WIPF3: variants seen among roughly 807,000 people sequenced by gnomAD.
The protein encoded by WIPF3 is WAS/WASL-interacting protein family member 3.
A neutral mutation model predicts 38.9 loss-of-function variants in WIPF3; 33 were observed. The ratio of observed to expected loss-of-function variants is 0.85; its 90% CI spans 0.64 to 1.14. WIPF3 has a LOEUF of 1.14. WIPF3 is among the 50% of genes most tolerant of loss of function. The pLI, the probability that WIPF3 is intolerant of heterozygous loss-of-function variation, is 0.00. For synonymous variants in WIPF3, 324 were observed against 269.3 expected, an observed-to-expected ratio of 1.20 and a Z score of -1.99; for missense variants, 711 against 652.5, an observed-to-expected ratio of 1.09 and a Z score of -0.98.
intron 2 of WIPF3, among the ~76,000 whole-genome samples, chr7:29,868,853 A>G (rs1353343534): frequency 6.6e-6 from 1 of 152,172 alleles, no homozygotes; most frequent in Non-Finnish European, 1.5e-5. Context: ...ATCTAAACAT[A>G]GGAAAGGTAC....
In WIPF3 at chr7:29,875,053, C is replaced by T. The variant is rs60920212; in HGVS notation, c.91-777C>T. 9.7e-3 allele frequency among the ~76,000 whole-genome samples: 1,477 copies of T among 152,252 alleles called. 21 individuals carry two copies. The highest frequency in any genetic ancestry group is 0.034 in the African/African-American group (1,396 of 41,528). Reference sequence around the variant, plus strand: ...AAGATGAGGGCAAACTCACTTTAAACGCACAAGGTCTTGTGAGGACTAATG... The same window carrying T: ...AAGATGAGGGCAAACTCACTTTAAATGCACAAGGTCTTGTGAGGACTAATG... On this transcript the variant is annotated intron_variant, in intron 2 of 8. Transcript: ENST00000242140.
intron 2 of WIPF3, among the ~76,000 whole-genome samples, chr7:29,866,595 A>C (rs1038085870): frequency 1.3e-5 from 2 of 152,248 alleles, no homozygotes; most frequent in African/African-American, 4.8e-5. Flanking sequence ...GCTGGCATTT[A>C]ATGCACTCAT....
chr7:29,915,073 G>A lies in WIPF3; in HGVS notation c.*557G>A, dbSNP rs1212529748. 7.3e-6 allele frequency: 1 copy of A among 136,596 alleles called. No homozygotes were observed. Among genetic ancestry groups the A allele is most frequent in the African/African-American group, 2.7e-5 (1 of 36,726 alleles). The allele number at this position is 136,596 out of a possible 1,614,324, so 8.5% of individuals were successfully genotyped here. ...TGTCTCGCTTCCATTTTGCAGTACAGGGAATTTTTTTTTTTTTTTTTTTTT... is the reference window on the plus strand; with the variant it reads ...TGTCTCGCTTCCATTTTGCAGTACAAGGAATTTTTTTTTTTTTTTTTTTTT... On this transcript the variant is annotated 3_prime_UTR_variant, in exon 9 of 9. Transcript: ENST00000242140.
rs545606990 is a variant in WIPF3 at position 29,879,036 on chromosome 7, G to A, written c.251G>A (p.Gly84Glu). 5 of 1,602,626 alleles carry A rather than the reference G, an allele frequency of 3.1e-6. No individual in the cohort carries two copies. In the South Asian group the frequency reaches 3.4e-5, roughly 11 times the overall value. The change falls in exon 4 of 9, where the codon GGA becomes GAA. Residue 84 changes from glycine to glutamate, a missense_variant. Gly to Glu is a moderately conservative substitution (Grantham distance 98, BLOSUM62 -2). Transcript: ENST00000242140. ...ESSKGTNKEG[G>E]GSANTRGAST... Reference sequence around the variant, plus strand: ...TCTAAAGGAACCAACAAAGAAGGAGGAGGTTCTGCAAACACACGAGGCGCG... The same window carrying A: ...TCTAAAGGAACCAACAAAGAAGGAGAAGGTTCTGCAAACACACGAGGCGCG...
Position 29,878,214 on chromosome 7 carries a change from A to G in WIPF3, c.224-795A>G, listed in dbSNP as rs1785643645. ...CACTTCCTAATCATTCTCATGAGTA[A>G]GTAATGTACAATATTAATACTCAGA... On this transcript the variant is annotated intron_variant, in intron 3 of 8. Coordinates refer to ENST00000242140, the MANE Select transcript of WIPF3 (RefSeq NM_001080529.3). This position sits in a 1 kb window ranked among gnomAD's most constrained non-coding sequence, Gnocchi z 4.0. 6.6e-6 allele frequency among the ~76,000 whole-genome samples: 1 copy of G among 152,232 alleles called. No individual in the cohort carries two copies. Among genetic ancestry groups the G allele is most frequent in the African/African-American group, 2.4e-5 (1 of 41,466 alleles).
chr7:29,878,831 G>T lies in WIPF3; in HGVS notation c.224-178G>T, dbSNP rs1395886336. Among the ~76,000 whole-genome samples, 1 of 152,256 alleles carries T rather than the reference G, an allele frequency of 6.6e-6. No homozygotes were observed. Among genetic ancestry groups the T allele is most frequent in the East Asian group, 1.9e-4 (1 of 5,176 alleles). Reference sequence around the variant, plus strand: ...GAGGGCAGGGCATGTGAGTCTACAGGGTATCAAGGCAGAGGGTGCTTGGGG... The same window carrying T: ...GAGGGCAGGGCATGTGAGTCTACAGTGTATCAAGGCAGAGGGTGCTTGGGG... On this transcript the variant is annotated intron_variant, in intron 3 of 8. Coordinates refer to ENST00000242140, the MANE Select transcript of WIPF3 (RefSeq NM_001080529.3). The surrounding 1 kb of genome is among the most constrained non-coding windows in gnomAD (Gnocchi z 4.0).
In WIPF3 at chr7:29,878,344, C is replaced by G. The variant is rs1278427213; in HGVS notation, c.224-665C>G. 4.0e-5 allele frequency among the ~76,000 whole-genome samples: 6 copies of G among 149,486 alleles called. No individual in the cohort carries two copies. Among genetic ancestry groups the G allele is most frequent in the Non-Finnish European group, 5.9e-5 (4 of 68,028 alleles). ...TTTCTGCCAGGAATTCTTGTCTAAGCTGAGTATCTTCTCGTTTTCTGTAGT... is the reference window on the plus strand; with the variant it reads ...TTTCTGCCAGGAATTCTTGTCTAAGGTGAGTATCTTCTCGTTTTCTGTAGT... On this transcript the variant is annotated intron_variant, in intron 3 of 8. Coordinates refer to ENST00000242140, the MANE Select transcript of WIPF3 (RefSeq NM_001080529.3). This position sits in a 1 kb window ranked among gnomAD's most constrained non-coding sequence, Gnocchi z 4.0.
intron 7 of WIPF3, among the ~76,000 whole-genome samples, chr7:29,890,189 T>C (rs1785974595): frequency 1.3e-5 from 1 of 75,986 alleles, no homozygotes; most frequent in East Asian, 6.9e-4. Context: ...CAAGATTCCA[T>C]TTCTACAAAA....
chr7:29,894,803 C>G (rs1476382028), intron 7 of WIPF3, among the ~76,000 whole-genome samples: 2 of 151,938 alleles, frequency 1.3e-5, no homozygotes, highest in Non-Finnish European at 2.9e-5. Flanking sequence ...CACACACGAG[C>G]ACACACGCTT....
chr7:29,887,640 G>A (rs1458814716), intron 5 of WIPF3, among the ~76,000 whole-genome samples: 1 of 152,184 alleles, frequency 6.6e-6, no homozygotes. Context: ...CTCCCTCTGG[G>A]CCTCTTCTAC....
intron 7 of WIPF3, among the ~76,000 whole-genome samples, chr7:29,900,433 G>T (rs1378132388): frequency 6.6e-6 from 1 of 152,186 alleles, no homozygotes; most frequent in African/African-American, 2.4e-5. Flanking sequence ...CTGTGGACAG[G>T]AAGTGAGGTC....
intron 2 of WIPF3, among the ~76,000 whole-genome samples, chr7:29,835,062 T>G (rs1784778986): frequency 6.6e-6 from 1 of 151,930 alleles, no homozygotes. Context: ...CTCATTTCTC[T>G]TCTCATTCCT....
intron 2 of WIPF3, among the ~76,000 whole-genome samples, chr7:29,837,675 A>C (rs1784827905): frequency 6.6e-6 from 1 of 152,194 alleles, no homozygotes; most frequent in African/African-American, 2.4e-5. Context: ...TTTATGTAGA[A>C]AAATAATGTG....
At chr7:29,841,122 T>A (rs2128066695) in intron 2 of WIPF3, among the ~76,000 whole-genome samples, 1 of 152,336 alleles carries the variant, frequency 6.6e-6, no homozygotes, top group South Asian at 2.1e-4. Flanking sequence ...AGAGCCTTTG[T>A]CAGTGGCATA....
chr7:29,856,177 A>G (rs1785184755), intron 2 of WIPF3, among the ~76,000 whole-genome samples: 1 of 152,162 alleles, frequency 6.6e-6, no homozygotes, highest in Non-Finnish European at 1.5e-5. Context: ...GGGTTTTTAT[A>G]CATATCTTTT....
intron 4 of WIPF3, 80 bp from the exon 5 acceptor site, chr7:29,883,770 A>C: frequency 6.7e-7 from 1 of 1,485,770 alleles, no homozygotes; most frequent in East Asian, 2.4e-5. Context: ...GGCAGGCTTG[A>C]GTGTCCTGAG....
intron 2 of WIPF3, among the ~76,000 whole-genome samples, chr7:29,862,490 A>T (rs1435293038): frequency 3.9e-5 from 6 of 152,188 alleles, no homozygotes; most frequent in Non-Finnish European, 8.8e-5. Context: ...CTCTGTCCTG[A>T]AAATGAAAAG....
At chr7:29,840,091 C>T (rs1256592046) in intron 2 of WIPF3, among the ~76,000 whole-genome samples, 1 of 152,202 alleles carries the variant, frequency 6.6e-6, no homozygotes, top group Non-Finnish European at 1.5e-5. Flanking sequence ...AGTTTGCCAA[C>T]ACCTGTCCCG....
chr7:29,875,835 C>T lies in WIPF3; in HGVS notation c.96C>T (p.Ser32=), dbSNP rs945932598. 1.2e-6 allele frequency: 2 copies of T among 1,613,860 alleles called. No individual in the cohort carries two copies. Among genetic ancestry groups the T allele is most frequent in the Non-Finnish European group, 1.7e-6 (2 of 1,179,832 alleles). ...TCCCTTTTACTCCCTTACAGGTAAG[C>T]ACAGACACCTCCAGCTTGCGAAGGG... is the stretch of plus-strand genomic sequence containing the variant. The part of the protein sequence containing the change: ...PPPPPSAPPV[S]TDTSSLRRAD... Residue 32 remains serine, a synonymous_variant, in exon 3 of 9, where the codon AGC becomes AGT. Coordinates refer to ENST00000242140, the MANE Select transcript of WIPF3 (RefSeq NM_001080529.3).
Sources: allele counts gnomAD v4.1 joint callset (sites outside exome capture counted in the v4.1 genomes callset), GRCh38; gene constraint gnomAD v4.1.1; non-coding constraint Gnocchi (gnomAD v3.1); transcripts MANE v1.5; gene names NCBI Gene and HGNC (gene_info 2026-07-23, HGNC 2026-07-21).